DPYS: variants seen among roughly 807,000 people sequenced by gnomAD.
DPYS encodes the protein dihydropyrimidinase, also known as dihydropyrimidine amidohydrolase.
DPYS carries 39 observed loss-of-function variants against 50.3 expected under a neutral mutation model. That is an observed-to-expected ratio of 0.78 (90% CI 0.60 to 1.01). The LOEUF (loss-of-function observed/expected upper bound fraction) is 1.01. Ranked by LOEUF, DPYS falls within the 50% of genes least tolerant of loss-of-function variation. DPYS has a pLI of 0.00. For synonymous variants in DPYS, 245 were observed against 250.7 expected, an observed-to-expected ratio of 0.98 and a Z score of 0.22; for missense variants, 659 against 680.9, an observed-to-expected ratio of 0.97 and a Z score of 0.36.
chr8:104,461,862 A>T (rs549147385), intron 1 of DPYS, among the ~76,000 whole-genome samples: 1 of 152,290 alleles, frequency 6.6e-6, no homozygotes, highest in South Asian at 2.1e-4. Flanking sequence ...GTGGTATTTA[A>T]GGACAGGGGG....
chr8:104,399,295 AAAAAAAAAAAAAAAACAACAAC>A (rs887302674), intron 7 of DPYS, among the ~76,000 whole-genome samples: 4 of 40,618 alleles, frequency 9.8e-5, no homozygotes, highest in Non-Finnish European at 2.5e-4. Context: ...CATCTCAAAA[AAAAAAAAAAAAAAAACAACAAC>A]AAAAAAAAAC....
At chr8:104,458,441 CCCATT>C (rs1419838064) in intron 1 of DPYS, among the ~76,000 whole-genome samples, 1 of 152,216 alleles carries the variant, frequency 6.6e-6, no homozygotes, top group Non-Finnish European at 1.5e-5. Context: ...CCCTCCTCTA[CCCATT>C]CCTGTGCTGA....
intron 7 of DPYS, among the ~76,000 whole-genome samples, chr8:104,415,399 CTTTTA>C (rs2140587338): frequency 6.6e-6 from 1 of 152,240 alleles, no homozygotes; most frequent in South Asian, 2.1e-4. Flanking sequence ...AGCTGCTTTT[CTTTTA>C]TAATTTGGGG....
chr8:104,427,352 C>T lies in DPYS; in HGVS notation c.1092+628G>A, dbSNP rs184438382. On this transcript the variant is annotated intron_variant, in intron 6 of 9. Coordinates refer to ENST00000351513, the MANE Select transcript of DPYS (RefSeq NM_001385.3). Reference sequence around the variant, plus strand: ...AGAGTGCAATGGTGCCATCTTGACTCACCACAACCTCTGCCTCACAAGTTC... The same window carrying T: ...AGAGTGCAATGGTGCCATCTTGACTTACCACAACCTCTGCCTCACAAGTTC... Among the ~76,000 whole-genome samples, 209 of 150,008 alleles carry T rather than the reference C, an allele frequency of 1.4e-3. 2 individuals are homozygous for T. Among genetic ancestry groups the T allele is most frequent in the African/African-American group, 4.9e-3 (200 of 40,836 alleles).
At chr8:104,385,955 A>G (rs1379181642) in intron 8 of DPYS, among the ~76,000 whole-genome samples, 1 of 152,212 alleles carries the variant, frequency 6.6e-6, no homozygotes, top group East Asian at 1.9e-4. Flanking sequence ...ATATTCTGTT[A>G]TAGCAGCAAG....
intron 7 of DPYS, among the ~76,000 whole-genome samples, chr8:104,400,463 A>T (rs1442225577): frequency 6.6e-6 from 1 of 152,246 alleles, no homozygotes; most frequent in African/African-American, 2.4e-5. Context: ...TACCAAACGC[A>T]AAGCAGCTCA....
At chr8:104,386,673 G>T (rs1264813026) in intron 8 of DPYS, among the ~76,000 whole-genome samples, 2 of 151,014 alleles carry the variant, frequency 1.3e-5, no homozygotes, top group African/African-American at 4.9e-5. Context: ...TGCTGCTCAG[G>T]CTAGAGTACA....
At position 104,429,587 on chromosome 8, in the gene DPYS, G is replaced by T. The variant is rs199621614; in HGVS notation, c.908C>A (p.Pro303Gln). Residue 303 changes from proline (P) to glutamine (Q), a missense_variant, in exon 5 of 10, where the codon CCA (proline) becomes CAA (glutamine). By Grantham distance (76) the Pro-to-Gln change is moderately conservative. Transcript: ENST00000351513. ...AHHVMGPPLR[P>Q]DPSTPDFLMN... ...GAGGAAGTCGGGTGTTGAGGGGTCTGGTCGCAAAGGTGGACCCATGACATG... is the reference window on the plus strand; with the variant it reads ...GAGGAAGTCGGGTGTTGAGGGGTCTTGTCGCAAAGGTGGACCCATGACATG... 8 of 1,614,132 alleles carry T rather than the reference G, an allele frequency of 5.0e-6. No individual in the cohort carries two copies. The highest frequency in any genetic ancestry group is 5.9e-6 in the Non-Finnish European group (7 of 1,180,010).
Position 104,424,396 on chromosome 8 carries a change from A to G in DPYS, c.1093-7T>C. ...CATCCATTTTACCACTATGCTGTAA[A>G]GCAATTCAAAGAATCATTCTAATGA... On this transcript the variant is annotated splice_region_variant and splice_polypyrimidine_tract_variant and intron_variant, in intron 6 of 9. Coordinates refer to ENST00000351513, the MANE Select transcript of DPYS (RefSeq NM_001385.3). 3.7e-6 allele frequency: 6 copies of G among 1,613,334 alleles called. No homozygotes were observed. The highest frequency in any genetic ancestry group is 5.1e-6 in the Non-Finnish European group (6 of 1,179,910).
intron 7 of DPYS, among the ~76,000 whole-genome samples, chr8:104,414,443 T>A (rs954663315): frequency 9.2e-5 from 14 of 152,024 alleles, no homozygotes; most frequent in African/African-American, 3.4e-4. Context: ...TCTGAAAAAT[T>A]CCCAGATGAT....
chr8:104,381,615 C>T (rs751724788), intron 8 of DPYS, among the ~76,000 whole-genome samples: 1 of 152,130 alleles, frequency 6.6e-6, no homozygotes, highest in East Asian at 1.9e-4. Context: ...TTCCAACATC[C>T]GACCTTTTCT....
intron 1 of DPYS, among the ~76,000 whole-genome samples, chr8:104,463,795 C>A (rs1391496835): frequency 6.6e-6 from 1 of 152,218 alleles, no homozygotes; most frequent in East Asian, 1.9e-4. Flanking sequence ...CTCCCCAAAA[C>A]AAACACCCAC....
intron 7 of DPYS, among the ~76,000 whole-genome samples, chr8:104,418,169 G>GGCCT (rs1812428981): frequency 1.3e-5 from 2 of 152,186 alleles, no homozygotes; most frequent in South Asian, 4.1e-4. Context: ...CAGCTCGAAT[G>GGCCT]GCCTGGCTGG....
chr8:104,380,257 C>T (rs1316711819), intron 9 of DPYS, among the ~76,000 whole-genome samples: 1 of 152,132 alleles, frequency 6.6e-6, no homozygotes, highest in Non-Finnish European at 1.5e-5. Flanking sequence ...AGGTGCAGTG[C>T]CTGAATATGT....
intron 7 of DPYS, among the ~76,000 whole-genome samples, chr8:104,395,871 G>A (rs1308683280): frequency 1.3e-5 from 2 of 151,426 alleles, no homozygotes; most frequent in Non-Finnish European, 2.9e-5. Flanking sequence ...AGAGCTTTCA[G>A]TGACCTTAGG....
In DPYS at chr8:104,444,184, A is replaced by G. The variant is rs1813448802; in HGVS notation, c.793+64T>C. The G allele has an allele frequency of 2.5e-6, 4 of 1,572,474 alleles. No individual in the cohort carries two copies. The South Asian group carries it at 3.4e-5, about 13-fold the overall frequency. On this transcript the variant is annotated intron_variant, in intron 4 of 9. Coordinates refer to ENST00000351513, the MANE Select transcript of DPYS (RefSeq NM_001385.3). ...TTTCTCCTAAACTGAAGCAGAGGCT[A>G]CAGACGTGGACTTTTCTCTTCAGCT...
intron 7 of DPYS, among the ~76,000 whole-genome samples, chr8:104,423,535 A>G (rs1812620069): frequency 6.6e-6 from 1 of 152,216 alleles, no homozygotes; most frequent in South Asian, 2.1e-4. Flanking sequence ...AGGAGGCAGA[A>G]GTCCACGCAA....
intron 7 of DPYS, among the ~76,000 whole-genome samples, chr8:104,408,079 G>C (rs1812053839): frequency 6.6e-6 from 1 of 152,238 alleles, no homozygotes; most frequent in Admixed American, 6.5e-5. Context: ...CACGGTTCTA[G>C]GTGCTGGGGA....
intron 7 of DPYS, among the ~76,000 whole-genome samples, chr8:104,410,061 A>G (rs556171948): frequency 6.6e-6 from 1 of 152,320 alleles, no homozygotes; most frequent in East Asian, 1.9e-4. Flanking sequence ...AACTTTGAGT[A>G]CAATGTATTG....
Sources: allele counts gnomAD v4.1 joint callset (sites outside exome capture counted in the v4.1 genomes callset), GRCh38; gene constraint gnomAD v4.1.1; transcripts MANE v1.5; gene names NCBI Gene and HGNC (gene_info 2026-07-23, HGNC 2026-07-21).